Variants in ADAMTS20 observed in about 807,000 individuals in gnomAD.
The protein encoded by ADAMTS20 is ADAM metallopeptidase with thrombospondin type 1 motif 20.
A neutral mutation model predicts 260.1 loss-of-function variants in ADAMTS20; 225 were observed. The observed-to-expected ratio is 0.87, with a 90% CI of 0.78 to 0.97. The LOEUF (loss-of-function observed/expected upper bound fraction) is 0.97. Ranked by LOEUF, ADAMTS20 falls within the 50% of genes least tolerant of loss-of-function variation. The pLI is 0.00. For synonymous variants in ADAMTS20, 802 were observed against 769.5 expected (o/e 1.04, Z -0.70); for missense variants, 2,400 against 2,337.7 (o/e 1.03, Z -0.55).
chr12:43,520,016 A>G (rs1231266565), intron 3 of ADAMTS20, among the ~76,000 whole-genome samples: 1 of 152,164 alleles, frequency 6.6e-6, no homozygotes, highest in Non-Finnish European at 1.5e-5. Flanking sequence ...GCAGTTTTGC[A>G]CTATTTCTAG....
At chr12:43,544,218 T>C (rs539055973) in intron 2 of ADAMTS20, among the ~76,000 whole-genome samples, 5 of 152,244 alleles carry the variant, frequency 3.3e-5, no homozygotes, top group Non-Finnish European at 7.3e-5. Flanking sequence ...AACTTAGGTA[T>C]CATCGGAAGA....
At chr12:43,404,016 C>T (rs1940864225) in intron 28 of ADAMTS20, among the ~76,000 whole-genome samples, 1 of 152,120 alleles carries the variant, frequency 6.6e-6, no homozygotes, top group African/African-American at 2.4e-5. Flanking sequence ...ACTCCCTTCT[C>T]TGATGGAGGA....
At chr12:43,481,209 G>A (rs754451715) in intron 7 of ADAMTS20, among the ~76,000 whole-genome samples, 3 of 152,110 alleles carry the variant, frequency 2.0e-5, no homozygotes, top group Non-Finnish European at 2.9e-5. Context: ...TGAGCAGTAG[G>A]ATATAAATAA....
rs746311369 is a variant in ADAMTS20 at position 43,432,362 on chromosome 12, G to A, written c.3038C>T (p.Thr1013Met). ...GGAAAATTCATTGCAATTCTCTCTC[G>A]TCACTCGGGACAGTTCTTGGCATTC... ...DNECQELSRVTRENCNEFSCP... is the reference protein window; with the variant it reads ...DNECQELSRVMRENCNEFSCP... The change falls in exon 21 of 39, where the codon ACG becomes ATG. Residue 1013 changes from threonine (T) to methionine (M), a missense_variant. Coordinates refer to ENST00000389420, the MANE Select transcript of ADAMTS20 (RefSeq NM_025003.5). 33 of 1,613,454 alleles carry A rather than the reference G, an allele frequency of 2.0e-5. No homozygotes were observed. The highest frequency in any genetic ancestry group is 8.3e-5 in the Admixed American group (5 of 59,962).
chr12:43,387,180 C>T (rs768914562), intron 29 of ADAMTS20, among the ~76,000 whole-genome samples: 5 of 152,084 alleles, frequency 3.3e-5, no homozygotes, highest in African/African-American at 9.7e-5. Flanking sequence ...TTGGCATGGA[C>T]GTCCTTTTGT....
intron 31 of ADAMTS20, among the ~76,000 whole-genome samples, chr12:43,382,260 C>CA (rs1205124931): frequency 1.3e-5 from 2 of 151,940 alleles, no homozygotes; most frequent in African/African-American, 4.8e-5. Flanking sequence ...AATAAATAGA[C>CA]AAAATATAGT....
chr12:43,355,902 A>T (rs1052258210), intron 38 of ADAMTS20, among the ~76,000 whole-genome samples: 1 of 152,076 alleles, frequency 6.6e-6, no homozygotes, highest in Non-Finnish European at 1.5e-5. Flanking sequence ...TAAATACTAC[A>T]TAACAGTCTA....
rs190309750 is a variant in ADAMTS20, at chr12:43,514,519, G to A, written c.614-12114C>T. Among the ~76,000 whole-genome samples the A allele has an allele frequency of 5.0e-5, 6 of 118,858 alleles. No individual in the cohort carries two copies. The East Asian group carries it at 1.5e-3, about 30-fold the overall frequency. 78.0% of individuals were successfully genotyped at this position (118,858 alleles called of 152,430 possible). ...AGAGGTTGCAGTGAGCCAAGATCTC[G>A]CTACTGCACTCTAGGCCGGTGACAG... On this transcript the variant is annotated intron_variant, in intron 3 of 38. Coordinates refer to ENST00000389420, the MANE Select transcript of ADAMTS20 (RefSeq NM_025003.5).
At chr12:43,377,632 C>A in intron 31 of ADAMTS20, 70 bp from the exon 32 acceptor site, 1 of 1,237,580 alleles carries the variant, frequency 8.1e-7, no homozygotes, top group Non-Finnish European at 1.1e-6. Flanking sequence ...TTGTCAGATG[C>A]TTAATATATA....
intron 28 of ADAMTS20, among the ~76,000 whole-genome samples, chr12:43,416,681 C>T (rs555216529): frequency 4.6e-5 from 7 of 152,002 alleles, no homozygotes; most frequent in Non-Finnish European, 8.8e-5. Context: ...CCACCACGCC[C>T]GGCTAATTTT....
At chr12:43,467,481 T>A (rs1389068173) in intron 8 of ADAMTS20, among the ~76,000 whole-genome samples, 1 of 152,098 alleles carries the variant, frequency 6.6e-6, no homozygotes, top group South Asian at 2.1e-4. Context: ...TGCTAAAATT[T>A]GTATTTAAAC....
At position 43,416,524 on chromosome 12, in the gene ADAMTS20, CTT is replaced by C. The variant is rs59341765; in HGVS notation, c.4284+8988_4284+8989del. 9.2e-5 allele frequency among the ~76,000 whole-genome samples: 12 copies of C among 130,670 alleles called. No individual in the cohort carries two copies. In the South Asian group the frequency reaches 1.5e-3, roughly 16 times the overall value. 85.7% of individuals were successfully genotyped at this position (130,670 alleles called of 152,430 possible). On this transcript the variant is annotated intron_variant, in intron 28 of 38. Coordinates refer to ENST00000389420, the MANE Select transcript of ADAMTS20 (RefSeq NM_025003.5). ...GTCATTACAAACAAGTCAAACTGAC[CTT>C]TTTTTTTTTTTTTTTGAGACGGAGT...
intron 4 of ADAMTS20, among the ~76,000 whole-genome samples, chr12:43,493,847 G>C (rs1004798367): frequency 1.3e-5 from 2 of 152,154 alleles, no homozygotes; most frequent in Admixed American, 6.5e-5. Context: ...AGAATCCATA[G>C]AGGCAGATCC....
At chr12:43,539,748 A>T (rs553603545) in intron 2 of ADAMTS20, among the ~76,000 whole-genome samples, 5 of 152,322 alleles carry the variant, frequency 3.3e-5, no homozygotes, top group African/African-American at 1.2e-4. Context: ...TGAAGAGGGG[A>T]AATGTGATAC....
intron 11 of ADAMTS20, among the ~76,000 whole-genome samples, chr12:43,460,932 G>C (rs1380262641): frequency 7.6e-6 from 1 of 132,382 alleles, no homozygotes; most frequent in African/African-American, 2.7e-5. Context: ...CTGGAAGGAA[G>C]GAGAGTTGCC....
Position 43,460,984 on chromosome 12 carries a change from A to T in ADAMTS20, c.1614+1911T>A, listed in dbSNP as rs866650427. 0.015 allele frequency among the ~76,000 whole-genome samples: 577 copies of T among 39,578 alleles called. 8 individuals carry two copies. In the East Asian group the frequency reaches 0.18, roughly 12 times the overall value. 26.0% of individuals were successfully genotyped at this position (39,578 alleles called of 152,430 possible). A position where few individuals can be genotyped will look rare whatever the true frequency, so the allele number is the denominator to read the frequency against. ...CTAAATTATATATATATATATATAT[A>T]TATATTTTTTTTTTTTTTTTTTTTT... is the stretch of plus-strand genomic sequence containing the variant. On this transcript the variant is annotated intron_variant, in intron 11 of 38. Transcript: ENST00000389420.
chr12:43,411,365 T>C lies in ADAMTS20; in HGVS notation c.4285-12132A>G, dbSNP rs560976090. On this transcript the variant is annotated intron_variant, in intron 28 of 38. Transcript: ENST00000389420. ...AAAAAGCATCTGTTGTTTGTTTGTTTGTTTGTTTGTTTGTTTTTTCAGACA... is the reference window on the plus strand; with the variant it reads ...AAAAAGCATCTGTTGTTTGTTTGTTCGTTTGTTTGTTTGTTTTTTCAGACA... Among the ~76,000 whole-genome samples, 17 of 152,226 alleles carry C rather than the reference T, an allele frequency of 1.1e-4. 1 individual carries two copies. Among genetic ancestry groups the C allele is most frequent in the East Asian group, 5.8e-4 (3 of 5,178 alleles).
intron 10 of ADAMTS20, among the ~76,000 whole-genome samples, chr12:43,463,216 T>G (rs1470483432): frequency 6.6e-6 from 1 of 152,240 alleles, no homozygotes; most frequent in African/African-American, 2.4e-5. Flanking sequence ...TAAAAAAATT[T>G]TATTCATACA....
chr12:43,363,603 T>A (rs759774518), intron 37 of ADAMTS20, among the ~76,000 whole-genome samples: 1 of 152,164 alleles, frequency 6.6e-6, no homozygotes, highest in Non-Finnish European at 1.5e-5. Flanking sequence ...AGGGAGAGAA[T>A]CAAGTTGTAA....
Sources: gnomAD v4.1 joint callset for allele counts (sites outside exome capture counted in the v4.1 genomes callset) on GRCh38, gnomAD v4.1.1 for gene constraint, MANE v1.5 for transcripts, NCBI Gene and HGNC (gene_info 2026-07-23, HGNC 2026-07-21) for gene names.